The following KICS2 variants were observed in gnomAD, a reference collection of about 807,000 sequenced individuals.
KICS2 encodes KICSTOR complex protein C12orf66.
A neutral mutation model predicts 31.4 loss-of-function variants in KICS2; 13 were observed. The ratio of observed to expected loss-of-function variants is 0.41; its 90% CI spans 0.27 to 0.66. The LOEUF (loss-of-function observed/expected upper bound fraction) is 0.66. Ranked by LOEUF, KICS2 falls within the 30% of genes least tolerant of loss-of-function variation. The probability of loss-of-function intolerance (pLI) is 0.28; values close to 1 mark genes in which losing one functional copy is unlikely to be tolerated. For missense variants in KICS2, 455 were observed against 545.4 expected, an observed-to-expected ratio of 0.83 and a Z score of 1.65; for synonymous variants, 209 against 214.8, an observed-to-expected ratio of 0.97 and a Z score of 0.24.
At chr12:64,196,997 G>A (rs1287837215) in intron 2 of KICS2, among the ~76,000 whole-genome samples, 18 of 126,974 alleles carry the variant, frequency 1.4e-4, no homozygotes, top group South Asian at 1.1e-3. Flanking sequence ...AAGTGATGGG[G>A]AGAATGGAAC....
chr12:64,194,114 T>C lies in KICS2; in HGVS notation c.1066A>G (p.Arg356Gly). The C allele has an allele frequency of 6.2e-7, 1 of 1,614,184 alleles. No homozygotes were observed. Among genetic ancestry groups the C allele is most frequent in the Non-Finnish European group, 8.5e-7 (1 of 1,180,038 alleles). The change falls in exon 3 of 3, where the codon AGG becomes GGG. Residue 356 changes from arginine (R) to glycine (G), a missense_variant. Arg to Gly is a moderately radical substitution (Grantham distance 125). Coordinates refer to ENST00000398055, the MANE Select transcript of KICS2 (RefSeq NM_152440.5). ...ACATTGGGCCAGTGCATGACTGGCC[T>C]GTCGCTGGGCAGAGACACTACAGCT... ...YPAVVSLPSD[R>G]PVMHWPNVIM...
chr12:64,202,371 C>T (rs1469658120), intron 2 of KICS2, among the ~76,000 whole-genome samples: 2 of 151,958 alleles, frequency 1.3e-5, no homozygotes, highest in East Asian at 1.9e-4. Flanking sequence ...GATCGCACTA[C>T]TGTGCTTCAC....
At chr12:64,186,728 C>G (rs2037342257), downstream of KICS2, 1 of 152,118 alleles carries the variant, frequency 6.6e-6, no homozygotes, top group South Asian at 2.1e-4. Context: ...TTGTTACAGC[C>G]CTTTCAGCTC....
chr12:64,204,062 T>A (rs2669630), intron 2 of KICS2, among the ~76,000 whole-genome samples: 3,541 of 46,824 alleles, frequency 0.076, 1 homozygote, highest in South Asian at 0.1. Context: ...TGCAGGGACA[T>A]GGACGAAGCT....
downstream of KICS2, chr12:64,187,782 G>T: frequency 1.5e-6 from 1 of 684,320 alleles, no homozygotes; most frequent in Non-Finnish European, 2.4e-6. Context: ...ATTTTTACTT[G>T]AAAAAAATCA....
chr12:64,205,749 G>C (rs546927156), intron 2 of KICS2, among the ~76,000 whole-genome samples: 1 of 76,180 alleles, frequency 1.3e-5, no homozygotes, highest in Non-Finnish European at 2.9e-5. Context: ...AGGAAGGGAG[G>C]GAGGGAAAAG....
At chr12:64,195,030 T>C (rs2037420700) in intron 2 of KICS2, among the ~76,000 whole-genome samples, 1 of 151,876 alleles carries the variant, frequency 6.6e-6, no homozygotes, top group South Asian at 2.1e-4. Flanking sequence ...TGCAGCTCAG[T>C]TCCTGGGCTC....
intron 1 of KICS2, among the ~76,000 whole-genome samples, chr12:64,219,895 T>C (rs1248208157): frequency 1.3e-5 from 2 of 152,194 alleles, no homozygotes; most frequent in African/African-American, 2.4e-5. Flanking sequence ...ATGAGCAAAG[T>C]AGTTGGAGAA....
chr12:64,222,128 A>G lies in KICS2; in HGVS notation c.110T>C (p.Val37Ala). 6.2e-7 allele frequency: 1 copy of G among 1,613,990 alleles called. No individual in the cohort carries two copies. The change falls in exon 1 of 3, where the codon GTG becomes GCG. Residue 37 changes from valine to alanine, a missense_variant. Coordinates refer to ENST00000398055, the MANE Select transcript of KICS2 (RefSeq NM_152440.5). ...CTTGTTGGCCTCTCGTTCCTTCTCC[A>G]CATTGTCCTTAGCCTTGTCGTAAGA... ...IFSYDKAKDN[V>A]EKEREANKSA...
At chr12:64,211,720 T>G (rs1024197758) in intron 2 of KICS2, among the ~76,000 whole-genome samples, 1 of 152,108 alleles carries the variant, frequency 6.6e-6, no homozygotes. Flanking sequence ...ACTTTATAAA[T>G]GTTGACCCAT....
chr12:64,212,953 T>C (rs1377022994), intron 2 of KICS2, among the ~76,000 whole-genome samples: 1 of 151,420 alleles, frequency 6.6e-6, no homozygotes, highest in Non-Finnish European at 1.5e-5. Context: ...TAGCCAGGCA[T>C]AGTGGTGCAC....
chr12:64,191,022 TAA>T (rs1376521421), downstream of KICS2: 3 of 152,214 alleles, frequency 2.0e-5, no homozygotes, highest in Non-Finnish European at 4.4e-5. Flanking sequence ...CAGTTACCCA[TAA>T]AAACTTATCA....
chr12:64,221,219 G>A (rs1046024081), intron 1 of KICS2, among the ~76,000 whole-genome samples: 2 of 152,110 alleles, frequency 1.3e-5, no homozygotes, highest in Non-Finnish European at 1.5e-5. Flanking sequence ...GAAAATTGAA[G>A]AGTCTAAAAC....
At chr12:64,194,790 G>A in intron 2 of KICS2, 132 bp from the exon 3 acceptor site, 1 of 1,129,406 alleles carries the variant, frequency 8.9e-7, no homozygotes, top group Non-Finnish European at 1.2e-6. Flanking sequence ...AAAAGATGGA[G>A]GAACTACATG....
intron 2 of KICS2, among the ~76,000 whole-genome samples, chr12:64,205,889 C>A (rs1052628700): frequency 6.6e-6 from 1 of 151,912 alleles, no homozygotes; most frequent in African/African-American, 2.4e-5. Context: ...AGAAACACTG[C>A]CTTTCTCCTT....
chr12:64,194,948 TTA>T (rs1491425614), intron 2 of KICS2, among the ~76,000 whole-genome samples: 2 of 129,492 alleles, frequency 1.5e-5, no homozygotes, highest in Non-Finnish European at 3.5e-5. Flanking sequence ...TTTTTTTTTT[TTA>T]TTTATTTATT....
chr12:64,217,873 A>G (rs1012963869), intron 1 of KICS2, among the ~76,000 whole-genome samples: 1 of 151,956 alleles, frequency 6.6e-6, no homozygotes, highest in Admixed American at 6.6e-5. Flanking sequence ...AAGAAAAGAA[A>G]AGAAAGGAAA....
intron 2 of KICS2, among the ~76,000 whole-genome samples, chr12:64,208,571 CTTA>C (rs1437912279): frequency 3.3e-5 from 5 of 152,142 alleles, no homozygotes; most frequent in African/African-American, 1.2e-4. Context: ...AACAAAATGT[CTTA>C]TTAACAGCCT....
intron 2 of KICS2, 88 bp from the exon 3 acceptor site, chr12:64,194,746 C>A: frequency 6.9e-7 from 1 of 1,454,430 alleles, no homozygotes; most frequent in South Asian, 1.5e-5. Context: ...AACAAAATGG[C>A]CAAACATAAT....
Sources: gnomAD v4.1 joint callset for allele counts (sites outside exome capture counted in the v4.1 genomes callset) on GRCh38, gnomAD v4.1.1 for gene constraint, MANE v1.5 for transcripts, NCBI Gene and HGNC (gene_info 2026-07-23, HGNC 2026-07-21) for gene names.